Variants in SEMA5A observed in about 807,000 individuals in gnomAD.
The protein encoded by SEMA5A is semaphorin 5A, also known as semaphorin-5A.
SEMA5A carries 55 observed loss-of-function variants against 135.5 expected under a neutral mutation model. The ratio of observed to expected loss-of-function variants is 0.41; its 90% confidence interval spans 0.33 to 0.51. The LOEUF (loss-of-function observed/expected upper bound fraction) is 0.51. Among genes scored for constraint, SEMA5A ranks in the 20% least tolerant of loss-of-function variants. The pLI is 0.37. For missense variants in SEMA5A, 1,290 were observed against 1,419.9 expected (o/e 0.91, Z 1.47); for synonymous variants, 580 against 546.5 (o/e 1.06, Z -0.85).
At chr5:9,442,572 G>A (rs545774888) in intron 1 of SEMA5A, among the ~76,000 whole-genome samples, 1 of 152,234 alleles carries the variant, frequency 6.6e-6, no homozygotes, top group South Asian at 2.1e-4. Context: ...TCCTGAGGGT[G>A]CCCATGAGCC....
Position 9,154,714 on chromosome 5 carries a change from G to A in SEMA5A, c.1274-19C>T. 6.2e-7 allele frequency: 1 copy of A among 1,608,546 alleles called. No individual in the cohort carries two copies. Among genetic ancestry groups the A allele is most frequent in the Non-Finnish European group, 8.5e-7 (1 of 1,175,284 alleles). On this transcript the variant is annotated intron_variant, in intron 11 of 22. Transcript: ENST00000382496. ...CCGTAATCTATGAAGGTCACAGGAT[G>A]AAAAGGAAACAAGGTCAGAGGGTCT...
chr5:9,129,253 G>A (rs1204059357), intron 13 of SEMA5A, among the ~76,000 whole-genome samples: 1 of 152,232 alleles, frequency 6.6e-6, no homozygotes, highest in African/African-American at 2.4e-5. Context: ...AAAAGGAACT[G>A]CATTGGGCAA....
chr5:9,157,675 C>T (rs1159423985), intron 11 of SEMA5A, among the ~76,000 whole-genome samples: 1 of 152,204 alleles, frequency 6.6e-6, no homozygotes, highest in Non-Finnish European at 1.5e-5. Context: ...CTTGCCTGTG[C>T]CTCTCTGTGC....
intron 7 of SEMA5A, among the ~76,000 whole-genome samples, chr5:9,226,166 G>A (rs989755426): frequency 2.6e-5 from 4 of 152,194 alleles, no homozygotes; most frequent in African/African-American, 7.2e-5. Flanking sequence ...ATCATGAACA[G>A]TAAAAGCAGA....
intron 8 of SEMA5A, among the ~76,000 whole-genome samples, chr5:9,210,668 C>G (rs1746297639): frequency 6.6e-6 from 1 of 152,158 alleles, no homozygotes; most frequent in Non-Finnish European, 1.5e-5. Context: ...TGGAGTGGAT[C>G]TGTTTTCAAG....
chr5:9,512,869 C>T (rs374038619), intron 1 of SEMA5A, among the ~76,000 whole-genome samples: 94 of 152,080 alleles, frequency 6.2e-4, no homozygotes, highest in African/African-American at 1.9e-3. Flanking sequence ...TGAACAAATA[C>T]GCTCCCCTGC....
intron 18 of SEMA5A, among the ~76,000 whole-genome samples, chr5:9,055,118 G>T (rs1336666666): frequency 6.6e-6 from 1 of 152,074 alleles, no homozygotes. Context: ...CCTGAATCTG[G>T]GAGACTTTAA....
intron 11 of SEMA5A, 116 bp downstream of exon 11, chr5:9,190,151 C>CAA: frequency 9.0e-7 from 1 of 1,116,170 alleles, no homozygotes; most frequent in Non-Finnish European, 1.3e-6. Context: ...TTGCTGGTTG[C>CAA]AAAAAGAGAC....
intron 2 of SEMA5A, among the ~76,000 whole-genome samples, chr5:9,409,028 C>T (rs1168176653): frequency 1.3e-5 from 2 of 152,116 alleles, no homozygotes; most frequent in African/African-American, 4.8e-5. Context: ...GACATGGAAA[C>T]TAAGACCTGA....
At chr5:9,251,161 T>C (rs1291619548) in intron 5 of SEMA5A, among the ~76,000 whole-genome samples, 1 of 152,142 alleles carries the variant, frequency 6.6e-6, no homozygotes, top group Non-Finnish European at 1.5e-5. Context: ...GCTTTCTTCA[T>C]ATGATGCCTT....
rs4702620 is a variant in SEMA5A at position 9,299,849 on chromosome 5, A to T, written c.270+18523T>A. Among the ~76,000 whole-genome samples, 4 of 152,190 alleles carry T rather than the reference A, an allele frequency of 2.6e-5. No individual in the cohort carries two copies. In the South Asian group the frequency reaches 8.3e-4, roughly 32 times the overall value. On this transcript the variant is annotated intron_variant, in intron 5 of 22. Coordinates refer to ENST00000382496, the MANE Select transcript of SEMA5A (RefSeq NM_003966.3). The stretch of plus-strand genomic sequence containing the variant: ...TCACGTCTCCTTCCCTGATGGGGCC[A>T]GGCCTCAGATATCCAAATGTAGCTG...
chr5:9,104,953 C>T (rs1421561852), intron 16 of SEMA5A, among the ~76,000 whole-genome samples: 1 of 152,226 alleles, frequency 6.6e-6, no homozygotes, highest in Non-Finnish European at 1.5e-5. Flanking sequence ...ATCAGCTGGA[C>T]ACATGTGCCC....
At chr5:9,498,756 A>C (rs536015756) in intron 1 of SEMA5A, 1 of 152,224 alleles carries the variant, frequency 6.6e-6, no homozygotes, top group Non-Finnish European at 1.5e-5. Context: ...TAACCTTGTC[A>C]TGCCTGGGGC....
intron 5 of SEMA5A, among the ~76,000 whole-genome samples, chr5:9,315,082 C>T (rs1245521145): frequency 6.6e-6 from 1 of 152,160 alleles, no homozygotes; most frequent in Non-Finnish European, 1.5e-5. Flanking sequence ...AATATATACA[C>T]ATGAGTTAAT....
chr5:9,298,334 A>G (rs1751443096), intron 5 of SEMA5A, among the ~76,000 whole-genome samples: 1 of 152,190 alleles, frequency 6.6e-6, no homozygotes, highest in African/African-American at 2.4e-5. Flanking sequence ...AACCACCTGC[A>G]GCTAACGAGG....
intron 11 of SEMA5A, among the ~76,000 whole-genome samples, chr5:9,171,288 T>C (rs1191997428): frequency 6.6e-6 from 1 of 151,958 alleles, no homozygotes; most frequent in Non-Finnish European, 1.5e-5. Flanking sequence ...AGCCCAAGGA[T>C]TGGTAACAGA....
chr5:9,151,820 C>T (rs1742650341), intron 12 of SEMA5A, among the ~76,000 whole-genome samples: 1 of 152,200 alleles, frequency 6.6e-6, no homozygotes, highest in African/African-American at 2.4e-5. Context: ...TCAGAGTAAA[C>T]AGCAGGATGA....
At chr5:9,454,096 C>A (rs3756727) in intron 1 of SEMA5A, among the ~76,000 whole-genome samples, 107,968 of 152,068 alleles carry the variant, frequency 0.71, 38,857 homozygotes, top group Non-Finnish European at 0.77. Context: ...TGGGCGGAGA[C>A]CTTTCTGAAG....
intron 12 of SEMA5A, among the ~76,000 whole-genome samples, chr5:9,137,306 T>C (rs898838185): frequency 6.6e-6 from 1 of 152,248 alleles, no homozygotes; most frequent in Non-Finnish European, 1.5e-5. Flanking sequence ...TAATTTCATA[T>C]AGTTGTGTCT....
Sources: gnomAD v4.1 joint callset for allele counts (sites outside exome capture counted in the v4.1 genomes callset) on GRCh38, gnomAD v4.1.1 for gene constraint, MANE v1.5 for transcripts, NCBI Gene and HGNC (gene_info 2026-07-23, HGNC 2026-07-21) for gene names.